PARD3B: variants seen among roughly 807,000 people sequenced by gnomAD.
PARD3B encodes par-3 family cell polarity regulator beta.
In PARD3B, 103 loss-of-function variants were observed where a neutral mutation model predicts 130.2. The ratio of observed to expected loss-of-function variants is 0.79; its 90% confidence interval spans 0.67 to 0.93. The LOEUF (loss-of-function observed/expected upper bound fraction) is 0.93, where lower values mean the gene tolerates loss of function less well. Among genes scored for constraint, PARD3B ranks in the 40% least tolerant of loss-of-function variants. The pLI, the probability that PARD3B is intolerant of heterozygous loss-of-function variation, is 0.00. For missense variants in PARD3B, 1,609 were observed against 1,499.2 expected (o/e 1.07, Z -1.21); for synonymous variants, 583 against 553.2 (o/e 1.05, Z -0.76).
At chr2:205,026,575 G>C (rs771047624) in intron 3 of PARD3B, among the ~76,000 whole-genome samples, 4 of 151,912 alleles carry the variant, frequency 2.6e-5, no homozygotes, top group African/African-American at 4.8e-5. Flanking sequence ...CAAATTTCAG[G>C]TAAACAACAC....
chr2:204,636,353 A>T (rs560445083), intron 1 of PARD3B, among the ~76,000 whole-genome samples: 3 of 152,164 alleles, frequency 2.0e-5, no homozygotes, highest in African/African-American at 7.2e-5. Flanking sequence ...CAGGTTATCC[A>T]GCTAGATACA....
intron 18 of PARD3B, among the ~76,000 whole-genome samples, chr2:205,329,542 C>T (rs140834759): frequency 6.6e-6 from 1 of 152,262 alleles, no homozygotes; most frequent in African/African-American, 2.4e-5. Flanking sequence ...CTTTGTCCAT[C>T]TGGGTTATGA....
intron 21 of PARD3B, among the ~76,000 whole-genome samples, chr2:205,521,554 T>TGA (rs10666082): frequency 0.02 from 2,338 of 117,576 alleles, 189 homozygotes; most frequent in Admixed American, 0.17. Context: ...ATTATATGAT[T>TGA]TTTTTTCTTT....
chr2:204,670,096 G>A (rs920653196), intron 1 of PARD3B, among the ~76,000 whole-genome samples: 3 of 152,092 alleles, frequency 2.0e-5, no homozygotes, highest in Non-Finnish European at 4.4e-5. Context: ...ATCTAAAAGA[G>A]TTGCCTCTGG....
intron 15 of PARD3B, among the ~76,000 whole-genome samples, chr2:205,237,627 T>C (rs1183072863): frequency 1.3e-5 from 2 of 152,142 alleles, no homozygotes; most frequent in African/African-American, 4.8e-5. Flanking sequence ...GTGATTTTTC[T>C]ATAAACAGAG....
chr2:204,948,957 C>G (rs186759491), intron 2 of PARD3B, among the ~76,000 whole-genome samples: 16 of 152,246 alleles, frequency 1.1e-4, no homozygotes, highest in African/African-American at 3.6e-4. Flanking sequence ...AGTTGATGAA[C>G]TGTACTGGTT....
At chr2:205,196,502 A>G (rs1184456124) in intron 15 of PARD3B, among the ~76,000 whole-genome samples, 1 of 152,080 alleles carries the variant, frequency 6.6e-6, no homozygotes, top group Non-Finnish European at 1.5e-5. Context: ...TTTGATTGTG[A>G]TATTTCTCAT....
chr2:204,557,326 C>T (rs192102201), intron 1 of PARD3B, among the ~76,000 whole-genome samples: 11 of 152,276 alleles, frequency 7.2e-5, no homozygotes, highest in East Asian at 1.9e-4. Flanking sequence ...CCTGTTACTG[C>T]GCACATGGCA....
intron 16 of PARD3B, among the ~76,000 whole-genome samples, chr2:205,299,203 C>T (rs574223794): frequency 6.6e-6 from 1 of 152,180 alleles, no homozygotes; most frequent in East Asian, 1.9e-4. Flanking sequence ...TTTTGTACTT[C>T]TTTTGTATTC....
At position 204,808,508 on chromosome 2, in the gene PARD3B, T is replaced by C. The variant is rs905431858; in HGVS notation, c.222+122226T>C. ...CCTCCTCCCACCTGCCTCTGTCAAG[T>C]AGGCCCTAGTGTCTCCTCTTTGTGT... On this transcript the variant is annotated intron_variant, in intron 2 of 22. Coordinates refer to ENST00000406610, the MANE Select transcript of PARD3B (RefSeq NM_001302769.2). 3.3e-5 allele frequency among the ~76,000 whole-genome samples: 5 copies of C among 152,182 alleles called. 1 individual carries two copies. The highest frequency in any genetic ancestry group is 9.6e-5 in the African/African-American group (4 of 41,536).
intron 22 of PARD3B, among the ~76,000 whole-genome samples, chr2:205,570,920 A>G (rs1408766739): frequency 6.6e-6 from 1 of 152,226 alleles, no homozygotes; most frequent in African/African-American, 2.4e-5. Flanking sequence ...AAATTATAGC[A>G]GCATAAAACC....
intron 2 of PARD3B, among the ~76,000 whole-genome samples, chr2:204,885,850 G>C (rs1273883779): frequency 2.0e-5 from 3 of 151,912 alleles, no homozygotes; most frequent in Non-Finnish European, 4.4e-5. Context: ...TTTTATAGTT[G>C]CTCAAGAAAC....
At chr2:205,374,364 G>C (rs1245048006) in intron 18 of PARD3B, among the ~76,000 whole-genome samples, 1 of 151,984 alleles carries the variant, frequency 6.6e-6, no homozygotes, top group Non-Finnish European at 1.5e-5. Context: ...TGCCTCCTGA[G>C]TAGCTGGGAT....
intron 1 of PARD3B, among the ~76,000 whole-genome samples, chr2:204,588,920 A>G (rs1050943113): frequency 1.3e-5 from 2 of 152,046 alleles, no homozygotes; most frequent in African/African-American, 4.8e-5. Context: ...ATCCCTCCTA[A>G]AATGTGGTTT....
intron 4 of PARD3B, among the ~76,000 whole-genome samples, chr2:205,103,260 A>G (rs921710136): frequency 7.6e-6 from 1 of 132,024 alleles, no homozygotes; most frequent in Non-Finnish European, 1.6e-5. Context: ...AAAACATTTT[A>G]TATTTATGTA....
intron 18 of PARD3B, among the ~76,000 whole-genome samples, chr2:205,355,465 C>T (rs557532627): frequency 5.9e-5 from 9 of 152,124 alleles, no homozygotes; most frequent in African/African-American, 2.2e-4. Context: ...GATCAAATAT[C>T]TTTTCTTTAT....
rs183594337 is a variant in PARD3B, at chr2:204,804,111, C to T, written c.222+117829C>T. On this transcript the variant is annotated intron_variant, in intron 2 of 22. Transcript: ENST00000406610. The stretch of plus-strand genomic sequence containing the variant: ...GGTGTGTTGGCATGTGCCTGTAGTA[C>T]CAGCTACTCAGGAGGCTGAGGTTAG... Among the ~76,000 whole-genome samples, 282 of 152,172 alleles carry T rather than the reference C, an allele frequency of 1.9e-3. 2 individuals are homozygous for T. The highest frequency in any genetic ancestry group is 6.6e-3 in the African/African-American group (274 of 41,522).
In PARD3B at chr2:204,998,346, ATATATATATATATGTG is replaced by A. The variant is rs1238257321; in HGVS notation, c.394+33025_394+33040del. Among the ~76,000 whole-genome samples, 634 of 78,598 alleles carry A rather than the reference ATATATATATATATGTG, an allele frequency of 8.1e-3. 31 individuals carry two copies. The highest frequency in any genetic ancestry group is 0.028 in the Admixed American group (160 of 5,808). The allele number at this position is 78,598 out of a possible 152,430, so 51.6% of individuals were successfully genotyped here. A position where few individuals can be genotyped will look rare whatever the true frequency, so the allele number is the denominator to read the frequency against. ...TATATATATATATATATATATATAT[ATATATATATATATGTG>A]TGTGTGTGTGTGTATATATGTGTGT... On this transcript the variant is annotated intron_variant, in intron 3 of 22. Coordinates refer to ENST00000406610, the MANE Select transcript of PARD3B (RefSeq NM_001302769.2).
rs1255816667 is a variant in PARD3B, at chr2:205,452,885, G to C, written c.3044+12213G>C. Reference sequence around the variant, plus strand: ...CCATCCTCAACCACTGGGGGTAAATGGGCATGTTTGAGGAATGTTTGCCAA... The same window carrying C: ...CCATCCTCAACCACTGGGGGTAAATCGGCATGTTTGAGGAATGTTTGCCAA... On this transcript the variant is annotated intron_variant, in intron 20 of 22. Transcript: ENST00000406610. Among the ~76,000 whole-genome samples the C allele has an allele frequency of 5.3e-5, 8 of 152,200 alleles. No homozygotes were observed. The South Asian group carries it at 1.7e-3, about 32-fold the overall frequency.
Sources: allele counts gnomAD v4.1 joint callset (sites outside exome capture counted in the v4.1 genomes callset), GRCh38; gene constraint gnomAD v4.1.1; transcripts MANE v1.5; gene names NCBI Gene and HGNC (gene_info 2026-07-23, HGNC 2026-07-21).